Variants in GPR155 observed in about 807,000 individuals in gnomAD.
The protein encoded by GPR155 is lysosomal cholesterol signaling protein.
In GPR155, 65 loss-of-function variants were observed where a neutral mutation model predicts 93.1. The observed-to-expected ratio is 0.70, with a 90% CI of 0.57 to 0.86. The LOEUF (loss-of-function observed/expected upper bound fraction) is 0.86, where lower values mean the gene tolerates loss of function less well. Among genes scored for constraint, GPR155 ranks in the 40% least tolerant of loss-of-function variants. The pLI is 0.00. For missense variants in GPR155, 838 were observed against 1,034.8 expected, an observed-to-expected ratio of 0.81 and a Z score of 2.61; for synonymous variants, 319 against 360.1, an observed-to-expected ratio of 0.89 and a Z score of 1.29.
intron 10 of GPR155, among the ~76,000 whole-genome samples, chr2:174,457,635 T>G (rs1285592719): frequency 6.6e-6 from 1 of 152,150 alleles, no homozygotes; most frequent in Non-Finnish European, 1.5e-5. Context: ...TTTTGTATTT[T>G]TAGTAGAGAT....
chr2:174,459,541 C>CA (rs1378236681), intron 10 of GPR155, among the ~76,000 whole-genome samples: 5 of 152,180 alleles, frequency 3.3e-5, no homozygotes, highest in Admixed American at 3.3e-4. Context: ...GCTATAAAGG[C>CA]ATGTAGCAGT....
chr2:174,479,805 T>G (rs926654243), intron 2 of GPR155, among the ~76,000 whole-genome samples: 1 of 152,234 alleles, frequency 6.6e-6, no homozygotes, highest in Non-Finnish European at 1.5e-5. Flanking sequence ...TGTTAACTCC[T>G]TGCTGTTTTC....
chr2:174,466,515 T>C, intron 6 of GPR155, 29 bp downstream of exon 6: 1 of 1,147,622 alleles, frequency 8.7e-7, no homozygotes, highest in Non-Finnish European at 1.3e-6. Flanking sequence ...TAGAAAAACA[T>C]AGTTCTAAAT....
chr2:174,456,783 C>A (rs528879659), intron 10 of GPR155, among the ~76,000 whole-genome samples: 76 of 151,992 alleles, frequency 5.0e-4, no homozygotes, highest in Non-Finnish European at 1.0e-3. Flanking sequence ...AAAATGAATT[C>A]AAAAATATTG....
intron 7 of GPR155, 44 bp downstream of exon 7, chr2:174,465,741 G>T (rs748865697): frequency 6.6e-6 from 6 of 910,242 alleles, no homozygotes; most frequent in African/African-American, 3.3e-5. Context: ...GGAATGGGGT[G>T]GGGTGGGGAA....
chr2:174,468,259 T>C (rs1687896483), intron 5 of GPR155, among the ~76,000 whole-genome samples: 1 of 152,236 alleles, frequency 6.6e-6, no homozygotes, highest in South Asian at 2.1e-4. Context: ...ATATACATAT[T>C]CACCCCCACC....
In GPR155 at chr2:174,433,467, A is replaced by G. The variant is rs2105650989; in HGVS notation, c.*2649T>C. Reference sequence around the variant, plus strand: ...TCAGATTGTGTCTGGAACATGCTAGATGCTCGATAAGTTATTTGTTAAATG... The same window carrying G: ...TCAGATTGTGTCTGGAACATGCTAGGTGCTCGATAAGTTATTTGTTAAATG... On this transcript the variant is annotated 3_prime_UTR_variant, in exon 16 of 16. Transcript: ENST00000392552. 1 of 152,360 alleles carries G rather than the reference A, an allele frequency of 6.6e-6. No homozygotes were observed. Among genetic ancestry groups the G allele is most frequent in the East Asian group, 1.9e-4 (1 of 5,188 alleles). 9.4% of individuals were successfully genotyped at this position (152,360 alleles called of 1,614,324 possible).
In GPR155 at chr2:174,436,338, G is replaced by A. The variant is rs199551361; in HGVS notation, c.2391C>T (p.Ser797=). Residue 797 remains serine, a synonymous_variant, in exon 16 of 16, where the codon TCC becomes TCT. Coordinates refer to ENST00000392552, the MANE Select transcript of GPR155 (RefSeq NM_152529.7). The part of the protein sequence containing the change: ...VSWLIEVGLA[S]DRGEAVIYGD... ...CGTATATCACAGCTTCACCACGGTC[G>A]GAGGCAAGGCCGACTTCAATTAGCC... 24 of 1,614,002 alleles carry A rather than the reference G, an allele frequency of 1.5e-5. No individual in the cohort carries two copies. Among genetic ancestry groups the A allele is most frequent in the African/African-American group, 2.7e-5 (2 of 74,906 alleles).
chr2:174,456,492 T>A (rs1199516881), intron 10 of GPR155, among the ~76,000 whole-genome samples: 2 of 151,222 alleles, frequency 1.3e-5, no homozygotes, highest in Non-Finnish European at 3.0e-5. Flanking sequence ...TTTGTAGAGA[T>A]GGGTTTTGCC....
At chr2:174,468,217 T>C (rs139427859) in intron 5 of GPR155, among the ~76,000 whole-genome samples, 264 of 152,354 alleles carry the variant, frequency 1.7e-3, no homozygotes, top group African/African-American at 6.2e-3. Flanking sequence ...GTGGAATTTC[T>C]TTAAAATTAA....
intron 1 of GPR155, among the ~76,000 whole-genome samples, chr2:174,484,524 A>G (rs567104268): frequency 6.6e-6 from 1 of 152,376 alleles, no homozygotes; most frequent in East Asian, 1.9e-4. Context: ...AGTTTAAACT[A>G]GCAGAAGTTC....
At position 174,437,312 on chromosome 2, in the gene GPR155, T is replaced by A. The variant is rs143494234; in HGVS notation, c.2313-896A>T. ...ATGAAGATCAAGGTGAAAGGAGAAA[T>A]AGGTGACAAAAATTTAAAAACATTT... On this transcript the variant is annotated intron_variant, in intron 15 of 15. Transcript: ENST00000392552. Among the ~76,000 whole-genome samples, 5 of 152,116 alleles carry A rather than the reference T, an allele frequency of 3.3e-5. No individual in the cohort carries two copies. The East Asian group carries it at 9.6e-4, about 29-fold the overall frequency.
intron 1 of GPR155, among the ~76,000 whole-genome samples, 160 bp downstream of exon 1, chr2:174,486,713 G>A (rs1158605651): frequency 6.6e-6 from 1 of 152,166 alleles, no homozygotes; most frequent in East Asian, 1.9e-4. Flanking sequence ...AGGCGCTGCG[G>A]GGCAGAGACA....
chr2:174,445,291 C>A, intron 12 of GPR155, 115 bp from the exon 13 acceptor site: 1 of 618,248 alleles, frequency 1.6e-6, no homozygotes, highest in Non-Finnish European at 2.9e-6. Flanking sequence ...AAAGACTAGA[C>A]GGAAAAACAC....
At chr2:174,485,619 A>C (rs1688455867) in intron 1 of GPR155, among the ~76,000 whole-genome samples, 4 of 151,406 alleles carry the variant, frequency 2.6e-5, no homozygotes, top group Admixed American at 2.6e-4. Context: ...AAAAAAAAGC[A>C]ATCTGCCCCT....
chr2:174,460,306 G>A (rs1027692199), intron 9 of GPR155, among the ~76,000 whole-genome samples: 9 of 151,490 alleles, frequency 5.9e-5, no homozygotes, highest in African/African-American at 9.7e-5. Flanking sequence ...GAATACAGGC[G>A]CCCGCCACCA....
At chr2:174,438,606 C>T (rs1304181660) in intron 15 of GPR155, among the ~76,000 whole-genome samples, 1 of 152,176 alleles carries the variant, frequency 6.6e-6, no homozygotes, top group East Asian at 1.9e-4. Flanking sequence ...CTCCCGGGTT[C>T]AAGCGATTCT....
In GPR155 at chr2:174,436,200, A is replaced by G; in HGVS notation, c.2529T>C (p.Pro843=). The change falls in exon 16 of 16, where the codon CCT becomes CCC. Residue 843 remains proline, a synonymous_variant. Coordinates refer to ENST00000392552, the MANE Select transcript of GPR155 (RefSeq NM_152529.7). ...FLQKSPEQSP[P]AINANTLQQE... Reference sequence around the variant, plus strand: ...GTTGGAGAGTGTTTGCATTAATAGCAGGAGGACTCTGTTCAGGACTCTTTT... The same window carrying G: ...GTTGGAGAGTGTTTGCATTAATAGCGGGAGGACTCTGTTCAGGACTCTTTT... 6.2e-7 allele frequency: 1 copy of G among 1,613,742 alleles called. No individual in the cohort carries two copies. Among genetic ancestry groups the G allele is most frequent in the Non-Finnish European group, 8.5e-7 (1 of 1,179,614 alleles).
chr2:174,463,851 T>C (rs1400170072), intron 7 of GPR155, among the ~76,000 whole-genome samples: 1 of 152,190 alleles, frequency 6.6e-6, no homozygotes, highest in African/African-American at 2.4e-5. Context: ...AGATTTAAGA[T>C]TGTCCAGATT....
Sources: gnomAD v4.1 joint callset for allele counts (sites outside exome capture counted in the v4.1 genomes callset) on GRCh38, gnomAD v4.1.1 for gene constraint, MANE v1.5 for transcripts, NCBI Gene and HGNC (gene_info 2026-07-23, HGNC 2026-07-21) for gene names.